GATAD2B: variants seen among roughly 807,000 people sequenced by gnomAD.
GATAD2B encodes the protein transcriptional repressor p66-beta.
A neutral mutation model predicts 64.3 loss-of-function variants in GATAD2B; 8 were observed. The observed-to-expected ratio is 0.12, with a 90% CI of 0.07 to 0.22. The LOEUF (loss-of-function observed/expected upper bound fraction) is 0.22. Ranked by LOEUF, GATAD2B falls within the 10% of genes least tolerant of loss-of-function variation. The pLI is 1.00. For synonymous variants in GATAD2B, 281 were observed against 271.3 expected (o/e 1.04, Z -0.35); for missense variants, 453 against 752.0 (o/e 0.60, Z 4.65).
chr1:153,908,419 T>A (rs1678011598), intron 1 of GATAD2B, among the ~76,000 whole-genome samples: 1 of 151,900 alleles, frequency 6.6e-6, no homozygotes. Flanking sequence ...GTAAAAGATC[T>A]TACAACTAAC....
intron 1 of GATAD2B, chr1:153,853,042 T>C (rs1221447951): frequency 6.7e-6 from 10 of 1,486,884 alleles, no homozygotes; most frequent in Admixed American, 1.7e-5. Context: ...TTGGCCCCAG[T>C]CACAGTAGTC....
intron 1 of GATAD2B, among the ~76,000 whole-genome samples, chr1:153,861,900 A>G (rs867234165): frequency 1.7e-4 from 25 of 148,518 alleles, no homozygotes; most frequent in African/African-American, 5.7e-4. Flanking sequence ...GCATATCACT[A>G]AAGTTTAGAG....
At chr1:153,859,747 T>C (rs1032680452) in intron 1 of GATAD2B, among the ~76,000 whole-genome samples, 1 of 151,972 alleles carries the variant, frequency 6.6e-6, no homozygotes, top group Admixed American at 6.6e-5. Context: ...CTAGTTTGTA[T>C]AGAACATGTC....
At chr1:153,876,255 A>AAAAAAG (rs1200195274) in intron 1 of GATAD2B, among the ~76,000 whole-genome samples, 1 of 141,350 alleles carries the variant, frequency 7.1e-6, no homozygotes, top group Non-Finnish European at 1.6e-5. Context: ...AAAAAAAAAA[A>AAAAAAG]AAAAAGATTT....
intron 2 of GATAD2B, among the ~76,000 whole-genome samples, chr1:153,826,521 AG>A (rs1674883393): frequency 6.6e-6 from 1 of 152,030 alleles, no homozygotes; most frequent in Non-Finnish European, 1.5e-5. Flanking sequence ...TCAGCTACTT[AG>A]GGGAGTAGAG....
intron 2 of GATAD2B, among the ~76,000 whole-genome samples, chr1:153,820,093 C>T (rs920016730): frequency 7.9e-5 from 11 of 139,742 alleles, no homozygotes; most frequent in African/African-American, 2.9e-4. Flanking sequence ...GCGAGGTTCC[C>T]GTCTCAAAAA....
intron 1 of GATAD2B, among the ~76,000 whole-genome samples, chr1:153,876,311 T>A (rs1676833779): frequency 6.7e-6 from 1 of 148,436 alleles, no homozygotes; most frequent in Non-Finnish European, 1.5e-5. Context: ...AGGACTGTCT[T>A]ACCTGAGTCA....
intron 10 of GATAD2B, 70 bp downstream of exon 10, chr1:153,811,661 G>A (rs1055458219): frequency 2.3e-6 from 2 of 881,546 alleles, no homozygotes; most frequent in Non-Finnish European, 3.8e-6. Flanking sequence ...CCCTTAAAGG[G>A]GCTGCTACAG....
chr1:153,832,059 A>G (rs962036796), intron 1 of GATAD2B, among the ~76,000 whole-genome samples: 7 of 152,214 alleles, frequency 4.6e-5, no homozygotes, highest in African/African-American at 1.7e-4. Flanking sequence ...TACTAAAAAT[A>G]CAAAAATTAG....
Position 153,828,181 on chromosome 1 carries a change from T to C in GATAD2B, c.167A>G (p.Asn56Ser). 1.9e-6 allele frequency: 3 copies of C among 1,614,214 alleles called. No individual in the cohort carries two copies. Among genetic ancestry groups the C allele is most frequent in the Non-Finnish European group, 2.5e-6 (3 of 1,180,042 alleles). ...GGGTAACTCATGTGGCACCTCAAGA[T>C]TTGCCAAATCCTTCCTTTTGAGCAA... is the stretch of plus-strand genomic sequence containing the variant. ...LALLKRKDLA[N>S]LEVPHELPTK... Residue 56 changes from asparagine to serine, a missense_variant, in exon 2 of 11, where the codon AAT (asparagine) becomes AGT (serine). Around this residue, in one of 2 missense-constraint regions of GATAD2B, gnomAD observed 293 missense variants for 417.2 expected, o/e 0.70. Coordinates refer to ENST00000368655, the MANE Select transcript of GATAD2B (RefSeq NM_020699.4).
At chr1:153,847,016 G>A (rs1055307727) in intron 1 of GATAD2B, among the ~76,000 whole-genome samples, 3 of 152,138 alleles carry the variant, frequency 2.0e-5, no homozygotes, top group Non-Finnish European at 2.9e-5. Context: ...CCAGGTTGGA[G>A]TGCGATGGCA....
intron 1 of GATAD2B, among the ~76,000 whole-genome samples, chr1:153,908,799 A>AAG (rs1328325569): frequency 9.4e-4 from 141 of 149,628 alleles, no homozygotes; most frequent in African/African-American, 3.0e-3. Flanking sequence ...AAAAAAAAAA[A>AAG]AAAGAAAGAA....
At chr1:153,891,145 T>C (rs905073864) in intron 1 of GATAD2B, among the ~76,000 whole-genome samples, 3 of 147,932 alleles carry the variant, frequency 2.0e-5, no homozygotes, top group Non-Finnish European at 4.5e-5. Context: ...GATCGCACCA[T>C]TGCACTCCAG....
chr1:153,897,439 T>C (rs1677630963), intron 1 of GATAD2B, among the ~76,000 whole-genome samples: 1 of 152,204 alleles, frequency 6.6e-6, no homozygotes, highest in African/African-American at 2.4e-5. Context: ...CAGAATGATC[T>C]TATGCAAGAT....
At chr1:153,880,485 A>T (rs1676977311) in intron 1 of GATAD2B, among the ~76,000 whole-genome samples, 2 of 151,416 alleles carry the variant, frequency 1.3e-5, no homozygotes, top group South Asian at 4.2e-4. Flanking sequence ...AAAAACAAAA[A>T]ACAAAAAAGC....
At chr1:153,845,941 A>AC (rs1484843015) in intron 1 of GATAD2B, among the ~76,000 whole-genome samples, 2 of 79,730 alleles carry the variant, frequency 2.5e-5, no homozygotes, top group Non-Finnish European at 2.4e-5. Flanking sequence ...TCTATAAACT[A>AC]CCGCCCCCCC....
At chr1:153,811,649 T>C in intron 10 of GATAD2B, 82 bp downstream of exon 10, 1 of 829,522 alleles carries the variant, frequency 1.2e-6, no homozygotes, top group South Asian at 1.4e-5. Context: ...AAAGGAACAA[T>C]TCCCTTAAAG....
intron 1 of GATAD2B, among the ~76,000 whole-genome samples, chr1:153,840,950 C>T (rs1241321082): frequency 6.6e-6 from 1 of 151,624 alleles, no homozygotes; most frequent in African/African-American, 2.4e-5. Context: ...ACGGTGAAAC[C>T]CCGTCTCTAC....
chr1:153,903,888 G>C (rs937911604), intron 1 of GATAD2B, among the ~76,000 whole-genome samples: 1 of 152,210 alleles, frequency 6.6e-6, no homozygotes, highest in African/African-American at 2.4e-5. Context: ...AGAGGTTAAA[G>C]TGGTACAATC....
Sources: allele counts gnomAD v4.1 joint callset (sites outside exome capture counted in the v4.1 genomes callset), GRCh38; gene constraint gnomAD v4.1.1; regional missense constraint gnomAD v4.1.1; transcripts MANE v1.5; gene names NCBI Gene and HGNC (gene_info 2026-07-23, HGNC 2026-07-21).